TEAD1: variants seen among roughly 807,000 people sequenced by gnomAD.
The protein encoded by TEAD1 is TEA domain transcription factor 1, also known as transcriptional enhancer factor TEF-1.
TEAD1 carries 9 observed loss-of-function variants against 54.9 expected under a neutral mutation model. That is an observed-to-expected ratio of 0.16 (90% confidence interval 0.10 to 0.29). TEAD1 has a LOEUF of 0.29. Among genes scored for constraint, TEAD1 ranks in the 10% least tolerant of loss-of-function variants. The pLI, the probability that TEAD1 is intolerant of heterozygous loss-of-function variation, is 1.00. For missense variants in TEAD1, 387 were observed against 535.9 expected (o/e 0.72, Z 2.74); for synonymous variants, 200 against 187.8 (o/e 1.07, Z -0.53).
intron 2 of TEAD1, among the ~76,000 whole-genome samples, chr11:12,709,731 C>T (rs943657077): frequency 3.3e-5 from 5 of 151,926 alleles, no homozygotes; most frequent in Non-Finnish European, 5.9e-5. Flanking sequence ...CTCTGTTGCC[C>T]GGGGTGGTCT....
intron 3 of TEAD1, among the ~76,000 whole-genome samples, chr11:12,844,575 T>C (rs1283423830): frequency 6.6e-6 from 1 of 152,128 alleles, no homozygotes; most frequent in Non-Finnish European, 1.5e-5. Context: ...GACATCCAAA[T>C]ATGACGACAG....
intron 7 of TEAD1, among the ~76,000 whole-genome samples, chr11:12,881,503 A>G (rs1947965380): frequency 6.6e-6 from 1 of 152,194 alleles, no homozygotes; most frequent in Non-Finnish European, 1.5e-5. Context: ...TTTCGGGATA[A>G]AAGAAAGGAA....
intron 2 of TEAD1, among the ~76,000 whole-genome samples, chr11:12,698,372 G>A (rs191635367): frequency 4.1e-4 from 62 of 152,218 alleles, no homozygotes; most frequent in Admixed American, 2.4e-3. Context: ...TGGAGGGCAG[G>A]TGGGGTCTGG....
At chr11:12,794,323 T>C (rs1945869007) in intron 3 of TEAD1, among the ~76,000 whole-genome samples, 1 of 152,346 alleles carries the variant, frequency 6.6e-6, no homozygotes, top group Admixed American at 6.5e-5. Flanking sequence ...GATAGTCTCT[T>C]TGAGATTATT....
intron 5 of TEAD1, among the ~76,000 whole-genome samples, chr11:12,867,750 C>T (rs759445338): frequency 1.2e-4 from 18 of 152,136 alleles, no homozygotes; most frequent in Non-Finnish European, 2.5e-4. Context: ...TTCTTGGCCT[C>T]CCACACTAGC....
intron 2 of TEAD1, among the ~76,000 whole-genome samples, chr11:12,693,296 G>A (rs1397532461): frequency 6.6e-6 from 1 of 152,216 alleles, no homozygotes; most frequent in Admixed American, 6.5e-5. Context: ...CAGAATTTCA[G>A]CCTTCTAGCA....
rs547075827 is a variant in TEAD1, at chr11:12,936,993, G to A, written c.1168-116G>A. ...GTTAGAGGACACAGAGTGAGGCTGAGCAAATCTCTCTTGGACTTAAGACTT... is the reference window on the plus strand; with the variant it reads ...GTTAGAGGACACAGAGTGAGGCTGAACAAATCTCTCTTGGACTTAAGACTT... On this transcript the variant is annotated intron_variant, in intron 12 of 12. Transcript: ENST00000527636. 1.6e-4 allele frequency: 117 copies of A among 721,476 alleles called. No homozygotes were observed. The East Asian group carries it at 3.2e-3, about 20-fold the overall frequency. 44.7% of individuals were successfully genotyped at this position (721,476 alleles called of 1,614,324 possible).
chr11:12,869,839 C>G (rs1462081687), intron 5 of TEAD1, among the ~76,000 whole-genome samples: 4 of 152,134 alleles, frequency 2.6e-5, no homozygotes, highest in African/African-American at 9.7e-5. Context: ...TGAAAGCTCT[C>G]TCTTCTCATT....
At chr11:12,828,157 C>T (rs1946694586) in intron 3 of TEAD1, 1 of 152,144 alleles carries the variant, frequency 6.6e-6, no homozygotes, top group African/African-American at 2.4e-5. Flanking sequence ...CTCTGGCGGG[C>T]TGAGGGTGCT....
chr11:12,793,385 C>T (rs993629993), intron 3 of TEAD1, among the ~76,000 whole-genome samples: 2 of 152,132 alleles, frequency 1.3e-5, no homozygotes, highest in African/African-American at 4.8e-5. Context: ...AGTCTGTGAT[C>T]AGTGCTGGAT....
intron 5 of TEAD1, among the ~76,000 whole-genome samples, chr11:12,868,728 A>C (rs939055319): frequency 6.6e-6 from 1 of 152,228 alleles, no homozygotes; most frequent in African/African-American, 2.4e-5. Flanking sequence ...CATAGGAATG[A>C]TTACTGAATT....
chr11:12,676,843 G>T lies in TEAD1; in HGVS notation c.-55+1282G>T, dbSNP rs7940174. Among the ~76,000 whole-genome samples, 1,360 of 152,168 alleles carry T rather than the reference G, an allele frequency of 8.9e-3. 17 individuals are homozygous for T. The highest frequency in any genetic ancestry group is 0.03 in the African/African-American group (1,243 of 41,464). On this transcript the variant is annotated intron_variant, in intron 2 of 12. Transcript: ENST00000527636. ...ACAGTTAACAATTCTTTTATTTATT[G>T]TTGGTATAAAAAATGAACTGATGAT...
At chr11:12,839,968 C>T (rs990048560) in intron 3 of TEAD1, among the ~76,000 whole-genome samples, 16 of 152,058 alleles carry the variant, frequency 1.1e-4, no homozygotes, top group African/African-American at 3.9e-4. Flanking sequence ...CAGAAACGGG[C>T]CTGGCGCGGT....
At chr11:12,873,022 A>T (rs558792083) in intron 5 of TEAD1, among the ~76,000 whole-genome samples, 1 of 152,180 alleles carries the variant, frequency 6.6e-6, no homozygotes. Flanking sequence ...TAATCCAGGG[A>T]TATCTGGTGC....
chr11:12,828,542 T>A (rs1946702799), intron 3 of TEAD1, among the ~76,000 whole-genome samples: 1 of 152,158 alleles, frequency 6.6e-6, no homozygotes, highest in Non-Finnish European at 1.5e-5. Flanking sequence ...TTGGCTCTTG[T>A]TTGCTGAACC....
At chr11:12,929,163 C>CGT (rs60060462) in intron 11 of TEAD1, among the ~76,000 whole-genome samples, 1,249 of 106,786 alleles carry the variant, frequency 0.012, 14 homozygotes, top group African/African-American at 0.025. Context: ...TTTGCTTTGC[C>CGT]GTGTGTGTGT....
In TEAD1 at chr11:12,704,991, A is replaced by C. The variant is rs764143111; in HGVS notation, c.-55+29430A>C. ...TTTGCAAAGTAGACATTCAATGGCT[A>C]TCTCTGGAATGACTGGATTAATGAA... On this transcript the variant is annotated intron_variant, in intron 2 of 12. Transcript: ENST00000527636. Among the ~76,000 whole-genome samples the C allele has an allele frequency of 3.9e-5, 6 of 152,334 alleles. No homozygotes were observed. In the East Asian group the frequency reaches 9.6e-4, roughly 24 times the overall value.
At chr11:12,683,774 G>C (rs866206534) in intron 2 of TEAD1, among the ~76,000 whole-genome samples, 2 of 152,162 alleles carry the variant, frequency 1.3e-5, no homozygotes, top group Non-Finnish European at 1.5e-5. Flanking sequence ...GGAGTAGGAG[G>C]GGGGAACTGA....
At position 12,939,588 on chromosome 11, in the gene TEAD1, G is replaced by C. The variant is rs1250348040; in HGVS notation, c.*2366G>C. On this transcript the variant is annotated 3_prime_UTR_variant, in exon 13 of 13. Coordinates refer to ENST00000527636, the MANE Select transcript of TEAD1 (RefSeq NM_021961.6). ...TTGGCACAGAGACGGGGACAGCCCAGTCTGCTGACCTCACAGGGTCAGCTG... is the reference window on the plus strand; with the variant it reads ...TTGGCACAGAGACGGGGACAGCCCACTCTGCTGACCTCACAGGGTCAGCTG... The C allele has an allele frequency of 1.3e-5, 2 of 152,248 alleles. No homozygotes were observed. The highest frequency in any genetic ancestry group is 2.9e-5 in the Non-Finnish European group (2 of 68,054). The allele number at this position is 152,248 out of a possible 1,614,324, so 9.4% of individuals were successfully genotyped here.
Sources: gnomAD v4.1 joint callset for allele counts (sites outside exome capture counted in the v4.1 genomes callset) on GRCh38, gnomAD v4.1.1 for gene constraint, MANE v1.5 for transcripts, NCBI Gene and HGNC (gene_info 2026-07-23, HGNC 2026-07-21) for gene names.